Variants in SMARCE1 observed in about 807,000 individuals in gnomAD.
The protein encoded by SMARCE1 is SWI/SNF-related matrix-associated actin-dependent regulator of chromatin subfamily E member 1.
A neutral mutation model predicts 54.9 loss-of-function variants in SMARCE1; 13 were observed. The observed-to-expected ratio is 0.24, with a 90% confidence interval of 0.15 to 0.38. The LOEUF is 0.38. SMARCE1 is among the 10% of genes least tolerant of loss of function. The probability of loss-of-function intolerance (pLI) is 1.00; values close to 1 mark genes in which losing one functional copy is unlikely to be tolerated. For missense variants in SMARCE1, 295 were observed against 523.8 expected (o/e 0.56, Z 4.26); for synonymous variants, 151 against 175.3 (o/e 0.86, Z 1.10).
rs1286151522 is a variant in SMARCE1, at chr17:40,626,206, AAC to A, written c.*2577_*2578del. On this transcript the variant is annotated 3_prime_UTR_variant, in exon 11 of 11. Coordinates refer to ENST00000348513, the MANE Select transcript of SMARCE1 (RefSeq NM_003079.5). ...GGCGCCATTACACTCCAGCCTGGGC[AAC>A]AGTCAGACTGTCTCAAAAAAAAAGG... is the stretch of plus-strand genomic sequence containing the variant. 6.6e-6 allele frequency: 1 copy of A among 152,114 alleles called. No homozygotes were observed. Among genetic ancestry groups the A allele is most frequent in the African/African-American group, 2.4e-5 (1 of 41,426 alleles). 9.4% of individuals were successfully genotyped at this position (152,114 alleles called of 1,614,324 possible).
At chr17:40,637,393 A>G (rs918522404) in intron 5 of SMARCE1, 99 bp downstream of exon 5, 12 of 956,014 alleles carry the variant, frequency 1.3e-5, no homozygotes, top group African/African-American at 1.6e-5. Context: ...TCCTCTGAAT[A>G]TGCACAGAAA....
intron 3 of SMARCE1, 58 bp downstream of exon 3, chr17:40,645,518 G>C: frequency 9.4e-7 from 1 of 1,065,694 alleles, no homozygotes; most frequent in South Asian, 1.6e-5. Context: ...GAAGACATCT[G>C]GGTTTTTGTA....
At chr17:40,630,392 T>A in intron 10 of SMARCE1, 1 of 668,450 alleles carries the variant, frequency 1.5e-6, no homozygotes, top group Non-Finnish European at 2.7e-6. Context: ...ACAGACAGTA[T>A]GTAAACAAAC....
At chr17:40,629,533 T>C in intron 10 of SMARCE1, 2 of 1,226,550 alleles carry the variant, frequency 1.6e-6, no homozygotes, top group Non-Finnish European at 1.0e-6. Context: ...GGTTGGTCTT[T>C]TAGACACTTT....
intron 6 of SMARCE1, 145 bp from the exon 7 acceptor site, chr17:40,636,247 G>A: frequency 8.6e-7 from 1 of 1,158,996 alleles, no homozygotes; most frequent in Non-Finnish European, 1.2e-6. Context: ...AGAAATCTGA[G>A]GCCTTGAGAA....
At chr17:40,632,582 CT>C (rs780363504) in intron 7 of SMARCE1, 2 of 489,572 alleles carry the variant, frequency 4.1e-6, no homozygotes, top group Non-Finnish European at 7.2e-6. Flanking sequence ...ATCTCACAGT[CT>C]TTAAGTGATA....
intron 4 of SMARCE1, among the ~76,000 whole-genome samples, chr17:40,638,052 A>T (rs993841836): frequency 6.6e-6 from 1 of 152,170 alleles, no homozygotes; most frequent in Non-Finnish European, 1.5e-5. Flanking sequence ...CCACAAAAAC[A>T]ACTTCCCAGG....
At chr17:40,630,280 T>C in intron 10 of SMARCE1, 1 of 1,477,058 alleles carries the variant, frequency 6.8e-7, no homozygotes, top group Non-Finnish European at 9.3e-7. Flanking sequence ...GAGCTGGCAA[T>C]TTTTTTCTGT....
chr17:40,646,269 T>C (rs2037255571), intron 1 of SMARCE1, among the ~76,000 whole-genome samples: 1 of 152,194 alleles, frequency 6.6e-6, no homozygotes, highest in East Asian at 1.9e-4. Context: ...GGGATAACAA[T>C]TTTTATTAAA....
chr17:40,632,545 TGTGTTCATTGGCCAA>T, intron 7 of SMARCE1, 178 bp from the exon 8 acceptor site: 1 of 571,612 alleles, frequency 1.7e-6, no homozygotes, highest in Non-Finnish European at 3.1e-6. Flanking sequence ...GAGGACGTAA[TGTGTTCATTGGCCAA>T]GGTAGTAATT....
chr17:40,631,729 A>C, intron 8 of SMARCE1, 36 bp from the exon 9 acceptor site: 38 of 1,151,950 alleles, frequency 3.3e-5, no homozygotes, highest in Non-Finnish European at 4.7e-5. Flanking sequence ...ATTGTGTCTC[A>C]TTTTTTAATG....
At chr17:40,636,158 G>A in intron 6 of SMARCE1, 56 bp from the exon 7 acceptor site, 1 of 1,397,056 alleles carries the variant, frequency 7.2e-7, no homozygotes. Context: ...TTATAATGCA[G>A]ACCTATGTTA....
intron 4 of SMARCE1, among the ~76,000 whole-genome samples, chr17:40,639,667 A>G (rs886113045): frequency 6.6e-6 from 1 of 152,198 alleles, no homozygotes; most frequent in African/African-American, 2.4e-5. Context: ...CCCCAAAACA[A>G]TAATAAAGTT....
At chr17:40,629,546 T>C in intron 10 of SMARCE1, 1 of 1,222,658 alleles carries the variant, frequency 8.2e-7, no homozygotes, top group Admixed American at 4.2e-5. Flanking sequence ...GACACTTTGT[T>C]TAAAGTCATG....
chr17:40,641,163 T>C (rs912219247), intron 4 of SMARCE1: 2 of 152,242 alleles, frequency 1.3e-5, no homozygotes, highest in East Asian at 1.9e-4. Flanking sequence ...ATTCCGTTCA[T>C]TGTTTAAACT....
Position 40,626,994 on chromosome 17 carries a change from A to C in SMARCE1, c.*1791T>G, listed in dbSNP as rs912462991. The C allele has an allele frequency of 2.0e-5, 3 of 152,168 alleles. No homozygotes were observed. Among genetic ancestry groups the C allele is most frequent in the African/African-American group, 7.2e-5 (3 of 41,420 alleles). The allele number at this position is 152,168 out of a possible 1,614,324, so 9.4% of individuals were successfully genotyped here. A position where few individuals can be genotyped will look rare whatever the true frequency, so the allele number is the denominator to read the frequency against. On this transcript the variant is annotated 3_prime_UTR_variant, in exon 11 of 11. Transcript: ENST00000348513. ...AAAAGAACCACTTCCATTCTCTTAG[A>C]GCTTTCGATACCACAGTAAATAACC...
chr17:40,644,083 C>T (rs1197529615), intron 3 of SMARCE1: 1 of 152,122 alleles, frequency 6.6e-6, no homozygotes, highest in Non-Finnish European at 1.5e-5. Context: ...CCCTAGTCTT[C>T]TATATTTTGT....
At position 40,628,686 on chromosome 17, in the gene SMARCE1, A is replaced by G. The variant is rs557837688; in HGVS notation, c.*99T>C. On this transcript the variant is annotated 3_prime_UTR_variant, in exon 11 of 11. Transcript: ENST00000348513. The stretch of plus-strand genomic sequence containing the variant: ...AAGCCTTTGGTGGTGTGATATGGAC[A>G]AGAAAAAAAATTAATACACAAACCA... The G allele has an allele frequency of 1.0e-6, 1 of 961,268 alleles. No homozygotes were observed. Among genetic ancestry groups the G allele is most frequent in the Admixed American group, 2.0e-5 (1 of 51,052 alleles). 59.5% of individuals were successfully genotyped at this position (961,268 alleles called of 1,614,324 possible).
chr17:40,631,293 A>G, intron 9 of SMARCE1: 1 of 323,814 alleles, frequency 3.1e-6, no homozygotes, highest in Admixed American at 4.4e-5. Flanking sequence ...CATTTGATGA[A>G]TAAATCACAA....
Sources: allele counts gnomAD v4.1 joint callset (sites outside exome capture counted in the v4.1 genomes callset), GRCh38; gene constraint gnomAD v4.1.1; transcripts MANE v1.5; gene names NCBI Gene and HGNC (gene_info 2026-07-23, HGNC 2026-07-21).